Variants in MEF2C observed in about 807,000 individuals in gnomAD.
MEF2C encodes myocyte-specific enhancer factor 2C.
Under a neutral mutation model 50.5 loss-of-function variants are expected in MEF2C, and 6 were observed. The ratio of observed to expected loss-of-function variants is 0.12; its 90% CI spans 0.07 to 0.23. MEF2C has a LOEUF of 0.23. MEF2C is among the 10% of genes least tolerant of loss of function. The pLI is 1.00. For missense variants in MEF2C, 276 were observed against 605.0 expected (o/e 0.46, Z 5.70); for synonymous variants, 183 against 228.0 (o/e 0.80, Z 1.78).
At chr5:88,750,642 A>G (rs1256319033) in intron 5 of MEF2C, among the ~76,000 whole-genome samples, 1 of 152,234 alleles carries the variant, frequency 6.6e-6, no homozygotes, top group Non-Finnish European at 1.5e-5. Context: ...TCTGAAAGGA[A>G]TACATGTGGT....
chr5:88,848,773 G>A (rs896132577), intron 1 of MEF2C, among the ~76,000 whole-genome samples: 2 of 152,168 alleles, frequency 1.3e-5, no homozygotes, highest in Admixed American at 1.3e-4. Flanking sequence ...GGTATTTAGA[G>A]TTCTTAACGG....
chr5:88,901,872 A>C (rs570824154), intron 1 of MEF2C, among the ~76,000 whole-genome samples: 1 of 151,996 alleles, frequency 6.6e-6, no homozygotes, highest in Non-Finnish European at 1.5e-5. Context: ...GATAAATTTT[A>C]GTTATTTTGA....
intron 1 of MEF2C, among the ~76,000 whole-genome samples, chr5:88,903,302 C>T: frequency 6.6e-6 from 1 of 151,750 alleles, no homozygotes; most frequent in Admixed American, 6.6e-5. Context: ...AAAATATTGC[C>T]ACTTTTAATT....
intron 3 of MEF2C, among the ~76,000 whole-genome samples, chr5:88,764,962 T>C (rs1219639542): frequency 1.3e-5 from 2 of 152,034 alleles, no homozygotes; most frequent in Non-Finnish European, 2.9e-5. Flanking sequence ...AACACATCAG[T>C]TTATGAATGA....
chr5:88,738,093 A>T (rs1196675374), intron 6 of MEF2C: 3 of 985,254 alleles, frequency 3.0e-6, no homozygotes, highest in Non-Finnish European at 3.6e-6. Context: ...GACAAAAAAA[A>T]GATAAGGCAG....
intron 1 of MEF2C, chr5:88,825,653 T>C: frequency 1.0e-6 from 1 of 984,680 alleles, no homozygotes; most frequent in Non-Finnish European, 1.2e-6. Context: ...ACTGTCCATC[T>C]ATTTTTAGAA....
chr5:88,842,812 C>A (rs149064166), intron 1 of MEF2C, among the ~76,000 whole-genome samples: 1 of 152,216 alleles, frequency 6.6e-6, no homozygotes, highest in East Asian at 1.9e-4. Context: ...TAATAATAAT[C>A]TTCTTTAAAA....
At chr5:88,887,110 A>G (rs753713132), upstream of MEF2C, among the ~76,000 whole-genome samples, 6 of 152,256 alleles carry the variant, frequency 3.9e-5, no homozygotes, top group Admixed American at 6.5e-5. Flanking sequence ...TCAACTGTAT[A>G]GTATTTGTTC....
At chr5:88,782,265 C>G (rs980191221) in intron 3 of MEF2C, 1 of 616,944 alleles carries the variant, frequency 1.6e-6, no homozygotes, top group East Asian at 1.4e-4. Flanking sequence ...CCCAGGAATT[C>G]GAACAGCCTG....
intron 1 of MEF2C, among the ~76,000 whole-genome samples, chr5:88,852,324 A>C (rs1400709962): frequency 6.6e-6 from 1 of 152,166 alleles, no homozygotes; most frequent in South Asian, 2.1e-4. Flanking sequence ...GGTGGGGTAA[A>C]AGTTGAGATG....
At position 88,717,938 on chromosome 5, in the gene MEF2C, G is replaced by C. The variant is rs1275541300; in HGVS notation, c.*4666C>G. 6.6e-6 allele frequency: 1 copy of C among 152,078 alleles called. No homozygotes were observed. The highest frequency in any genetic ancestry group is 1.5e-5 in the Non-Finnish European group (1 of 68,002). The allele number at this position is 152,078 out of a possible 1,614,324, so 9.4% of individuals were successfully genotyped here. A position where few individuals can be genotyped will look rare whatever the true frequency, so the allele number is the denominator to read the frequency against. Reference sequence around the variant, plus strand: ...TTCACAGTGGCTTTTGAAAAATTCTGTACATTTAAACAGGTTATCAAAGAT... The same window carrying C: ...TTCACAGTGGCTTTTGAAAAATTCTCTACATTTAAACAGGTTATCAAAGAT... On this transcript the variant is annotated 3_prime_UTR_variant, in exon 11 of 11. Coordinates refer to ENST00000504921, the MANE Select transcript of MEF2C (RefSeq NM_002397.5).
intron 2 of MEF2C, among the ~76,000 whole-genome samples, chr5:88,820,582 G>C (rs940832930): frequency 1.3e-5 from 2 of 151,994 alleles, no homozygotes; most frequent in Non-Finnish European, 2.9e-5. Context: ...TCTGTGTATA[G>C]CTAAATAAAC....
At chr5:88,745,648 A>AG (rs927560085) in intron 6 of MEF2C, among the ~76,000 whole-genome samples, 70 of 69,172 alleles carry the variant, frequency 1.0e-3, no homozygotes, top group African/African-American at 2.2e-3. Context: ...CATCTCTATA[A>AG]GGAAAAAAAT....
At chr5:88,726,425 A>G (rs1581275295) in intron 10 of MEF2C, among the ~76,000 whole-genome samples, 1 of 152,284 alleles carries the variant, frequency 6.6e-6, no homozygotes, top group East Asian at 1.9e-4. Context: ...ACAGTTTAAC[A>G]TTTAATCGTG....
At chr5:88,749,203 G>T in intron 5 of MEF2C, 86 bp from the exon 6 acceptor site, 1 of 1,381,192 alleles carries the variant, frequency 7.2e-7, no homozygotes, top group South Asian at 1.6e-5. Flanking sequence ...TCAGTATTTT[G>T]TCCTCTTGCA....
At chr5:88,786,758 CTTTTAG>C (rs1183166367) in intron 3 of MEF2C, among the ~76,000 whole-genome samples, 1 of 152,120 alleles carries the variant, frequency 6.6e-6, no homozygotes, top group East Asian at 1.9e-4. Flanking sequence ...ATTAGTCTCA[CTTTTAG>C]TTTAAATGGG....
chr5:88,734,359 G>C lies in MEF2C; in HGVS notation c.638-2458C>G, dbSNP rs1206722255. 4.1e-6 allele frequency: 4 copies of C among 985,128 alleles called. No individual in the cohort carries two copies. The African/African-American group carries it at 5.2e-5, about 13-fold the overall frequency. The allele number at this position is 985,128 out of a possible 1,614,324, so 61.0% of individuals were successfully genotyped here. On this transcript the variant is annotated intron_variant, in intron 6 of 10. Transcript: ENST00000504921. ...ATTTCAAAAGAAGGGGGAGAAAAAA[G>C]TCTGTTAAGCAGTGCAATGAAGCTT...
chr5:88,791,065 G>A (rs1055912725), intron 3 of MEF2C, among the ~76,000 whole-genome samples: 2 of 152,156 alleles, frequency 1.3e-5, no homozygotes, highest in Non-Finnish European at 2.9e-5. Context: ...TCCTGAGGAA[G>A]TAAGAATATT....
chr5:88,847,419 TA>T (rs1819714173), intron 1 of MEF2C, among the ~76,000 whole-genome samples: 1 of 152,180 alleles, frequency 6.6e-6, no homozygotes. Flanking sequence ...TCTATTATAA[TA>T]TCTGGAAATT....
Sources: allele counts gnomAD v4.1 joint callset (sites outside exome capture counted in the v4.1 genomes callset), GRCh38; gene constraint gnomAD v4.1.1; transcripts MANE v1.5; gene names NCBI Gene and HGNC (gene_info 2026-07-23, HGNC 2026-07-21).